Variants in GTF2E1 observed in about 807,000 individuals in gnomAD.
The protein encoded by GTF2E1 is general transcription factor IIE subunit 1.
Under a neutral mutation model 34.9 loss-of-function variants are expected in GTF2E1, and 14 were observed. The observed-to-expected ratio is 0.40, with a 90% CI of 0.27 to 0.63. The LOEUF (loss-of-function observed/expected upper bound fraction) is 0.63. Among genes scored for constraint, GTF2E1 ranks in the 20% least tolerant of loss-of-function variants. GTF2E1 has a pLI of 0.39. For synonymous variants in GTF2E1, 188 were observed against 192.9 expected (o/e 0.97, Z 0.21); for missense variants, 469 against 557.7 (o/e 0.84, Z 1.60).
At chr3:120,753,689 C>A (rs1182141850) in intron 2 of GTF2E1, among the ~76,000 whole-genome samples, 1 of 152,128 alleles carries the variant, frequency 6.6e-6, no homozygotes, top group South Asian at 2.1e-4. Flanking sequence ...AGGAAACAGC[C>A]CAGCAAGGAT....
chr3:120,778,540 C>A (rs1709420043), intron 4 of GTF2E1, among the ~76,000 whole-genome samples: 1 of 152,152 alleles, frequency 6.6e-6, no homozygotes, highest in African/African-American at 2.4e-5. Context: ...TTAAACAGTT[C>A]TCTTTTCCAC....
At chr3:120,779,959 T>C (rs1184831738) in intron 4 of GTF2E1, among the ~76,000 whole-genome samples, 1 of 152,252 alleles carries the variant, frequency 6.6e-6, no homozygotes, top group Non-Finnish European at 1.5e-5. Flanking sequence ...AGAATGCAGA[T>C]GGTTTTCTTA....
At chr3:120,755,626 A>C (rs916754743) in intron 2 of GTF2E1, among the ~76,000 whole-genome samples, 37 of 152,204 alleles carry the variant, frequency 2.4e-4, no homozygotes, top group South Asian at 6.2e-4. Context: ...TTTGTGTTAC[A>C]AACAATCCAA....
chr3:120,777,702 C>T (rs1709413254), intron 4 of GTF2E1, among the ~76,000 whole-genome samples: 2 of 152,154 alleles, frequency 1.3e-5, no homozygotes, highest in African/African-American at 4.8e-5. Flanking sequence ...CCATACTTTA[C>T]CCTCCTTCTT....
chr3:120,760,613 T>C (rs1224106170), intron 2 of GTF2E1, among the ~76,000 whole-genome samples: 1 of 152,334 alleles, frequency 6.6e-6, no homozygotes, highest in East Asian at 1.9e-4. Context: ...ATACCTAGTT[T>C]ATTGAGAGTT....
chr3:120,772,568 G>A (rs1325148434), intron 3 of GTF2E1, among the ~76,000 whole-genome samples: 1 of 151,974 alleles, frequency 6.6e-6, no homozygotes, highest in Non-Finnish European at 1.5e-5. Flanking sequence ...AAGTTATATT[G>A]TAGCTCTAAC....
intron 2 of GTF2E1, among the ~76,000 whole-genome samples, chr3:120,761,456 C>T (rs1709262507): frequency 6.6e-6 from 1 of 152,132 alleles, no homozygotes; most frequent in Admixed American, 6.5e-5. Context: ...TTCTTGCCTT[C>T]TGCTAGCTTT....
chr3:120,780,971 A>G, intron 4 of GTF2E1, 72 bp from the exon 5 acceptor site: 10 of 943,478 alleles, frequency 1.1e-5, no homozygotes, highest in Non-Finnish European at 1.6e-5. Flanking sequence ...ATATGTTAAA[A>G]TATTGTCTAT....
At chr3:120,761,696 A>C (rs985082370) in intron 2 of GTF2E1, among the ~76,000 whole-genome samples, 1 of 151,806 alleles carries the variant, frequency 6.6e-6, no homozygotes, top group East Asian at 1.9e-4. Context: ...GTCATTCAGG[A>C]GCAGGTTGTT....
chr3:120,760,485 G>T (rs1457138195), intron 2 of GTF2E1, among the ~76,000 whole-genome samples: 2 of 152,194 alleles, frequency 1.3e-5, no homozygotes, highest in Non-Finnish European at 2.9e-5. Flanking sequence ...AGTGGTGAGA[G>T]AGGGCATCCT....
chr3:120,752,335 G>T (rs1456022407), intron 2 of GTF2E1, among the ~76,000 whole-genome samples: 1 of 152,140 alleles, frequency 6.6e-6, no homozygotes, highest in African/African-American at 2.4e-5. Flanking sequence ...AAAGTCTCAT[G>T]ATTCTTGCCA....
intron 1 of GTF2E1, among the ~76,000 whole-genome samples, chr3:120,745,623 C>G (rs144640032): frequency 5.6e-4 from 85 of 152,242 alleles, no homozygotes; most frequent in Non-Finnish European, 1.1e-3. Flanking sequence ...AACTATTAGT[C>G]TGGGGCATGG....
chr3:120,758,991 G>A (rs186110201), intron 2 of GTF2E1, among the ~76,000 whole-genome samples: 76 of 152,118 alleles, frequency 5.0e-4, no homozygotes, highest in African/African-American at 1.7e-3. Context: ...TTGAAGAATC[G>A]CCACAGTCTT....
chr3:120,780,449 G>T (rs1025548358), intron 4 of GTF2E1, among the ~76,000 whole-genome samples: 2 of 152,182 alleles, frequency 1.3e-5, no homozygotes, highest in African/African-American at 4.8e-5. Flanking sequence ...GTAATGCAAA[G>T]GCCCTGAGGT....
chr3:120,753,628 G>A (rs1709185567), intron 2 of GTF2E1, among the ~76,000 whole-genome samples: 1 of 152,102 alleles, frequency 6.6e-6, no homozygotes, highest in South Asian at 2.1e-4. Context: ...CAGGACAAAG[G>A]GTAGTAACTC....
At chr3:120,764,119 T>C (rs1304751652) in intron 2 of GTF2E1, among the ~76,000 whole-genome samples, 1 of 152,188 alleles carries the variant, frequency 6.6e-6, no homozygotes, top group African/African-American at 2.4e-5. Flanking sequence ...TACATTGTTA[T>C]ATGAGAGAGG....
In GTF2E1 at chr3:120,777,868, C is replaced by T. The variant is rs114891139; in HGVS notation, c.892+1204C>T. Among the ~76,000 whole-genome samples the T allele has an allele frequency of 1.6e-3, 243 of 152,222 alleles. 1 individual carries two copies. The highest frequency in any genetic ancestry group is 5.7e-3 in the African/African-American group (237 of 41,528). ...AGCCTCCTGAGTAGCTGGAATTGGGCGCAAGCCACCATGGCCAGCTAATTT... is the reference window on the plus strand; with the variant it reads ...AGCCTCCTGAGTAGCTGGAATTGGGTGCAAGCCACCATGGCCAGCTAATTT... On this transcript the variant is annotated intron_variant, in intron 4 of 4. Transcript: ENST00000283875.
chr3:120,776,411 C>A lies in GTF2E1; in HGVS notation c.651-12C>A. 4 of 1,606,988 alleles carry A rather than the reference C, an allele frequency of 2.5e-6. No individual in the cohort carries two copies. Among genetic ancestry groups the A allele is most frequent in the Non-Finnish European group, 3.4e-6 (4 of 1,177,894 alleles). On this transcript the variant is annotated splice_polypyrimidine_tract_variant and intron_variant, in intron 3 of 4. Coordinates refer to ENST00000283875, the MANE Select transcript of GTF2E1 (RefSeq NM_005513.3). ...TTTCTTCTTCCTGTACTCCTCTATT[C>A]TTTTTATATAGCAAGGACCATGCAG...
At chr3:120,751,210 A>G (rs1466161729) in intron 2 of GTF2E1, among the ~76,000 whole-genome samples, 1 of 152,134 alleles carries the variant, frequency 6.6e-6, no homozygotes, top group Non-Finnish European at 1.5e-5. Flanking sequence ...TTTACAAGGG[A>G]GTTTCTCACT....
Sources: allele counts gnomAD v4.1 joint callset (sites outside exome capture counted in the v4.1 genomes callset), GRCh38; gene constraint gnomAD v4.1.1; transcripts MANE v1.5; gene names NCBI Gene and HGNC (gene_info 2026-07-23, HGNC 2026-07-21).